OR56A3: variants seen among roughly 807,000 people sequenced by gnomAD.
The protein encoded by OR56A3 is olfactory receptor 56A3.
OR56A3 carries 23 observed loss-of-function variants against 17.5 expected under a neutral mutation model. The observed-to-expected ratio is 1.32, with a 90% CI of 0.95 to 1.87. OR56A3 has a LOEUF of 1.87. Ranked by LOEUF, OR56A3 falls within the 40% of genes most tolerant of loss-of-function variation. The pLI is 0.00. For missense variants in OR56A3, 366 were observed against 380.1 expected, an observed-to-expected ratio of 0.96 and a Z score of 0.31; for synonymous variants, 175 against 150.6, an observed-to-expected ratio of 1.16 and a Z score of -1.19.
chr11:5,999,102 A>T, the OR56A3 span, among the ~76,000 whole-genome samples: 1 of 152,184 alleles, frequency 6.6e-6, no homozygotes, highest in African/African-American at 2.4e-5. Flanking sequence ...ATGTTCAACT[A>T]AAGGTCTTAT....
At chr11:5,961,752 TAA>T in the OR56A3 span, among the ~76,000 whole-genome samples, 34,340 of 134,280 alleles carry the variant, frequency 0.26, 4,075 homozygotes, top group Admixed American at 0.27. Context: ...AATAAATACT[TAA>T]AAAAAAAAAA....
the OR56A3 span, among the ~76,000 whole-genome samples, chr11:5,995,798 C>T: frequency 6.6e-6 from 1 of 152,168 alleles, no homozygotes. Flanking sequence ...TCATCATTAA[C>T]TATAGTCACC....
the OR56A3 span, among the ~76,000 whole-genome samples, chr11:5,972,729 A>G: frequency 6.6e-6 from 1 of 152,178 alleles, no homozygotes; most frequent in East Asian, 1.9e-4. Flanking sequence ...CCCAGGTTCA[A>G]GCAATTCTTC....
chr11:5,997,717 G>C, the OR56A3 span, among the ~76,000 whole-genome samples: 22 of 152,206 alleles, frequency 1.4e-4, no homozygotes, highest in African/African-American at 5.3e-4. Flanking sequence ...GAGAGAGAGA[G>C]CTTCATTTCA....
In OR56A3 at chr11:5,944,636, G is replaced by T. The variant is rs528830752; in HGVS notation, c.-313-170G>T. On this transcript the variant is annotated intron_variant, in intron 1 of 2. Coordinates refer to ENST00000641160, the MANE Select transcript of OR56A3 (RefSeq NM_001003443.3). Reference sequence around the variant, plus strand: ...CACAGCTGAACCCTGAGAAACTGTAGGAAGACATGTAAAACCACTAAAATA... The same window carrying T: ...CACAGCTGAACCCTGAGAAACTGTATGAAGACATGTAAAACCACTAAAATA... 6.6e-5 allele frequency among the ~76,000 whole-genome samples: 10 copies of T among 152,266 alleles called. 1 individual carries two copies. The East Asian group carries it at 1.4e-3, about 21-fold the overall frequency.
the OR56A3 span, chr11:5,987,087 TC>T: frequency 1.5e-6 from 1 of 663,610 alleles, no homozygotes; most frequent in Non-Finnish European, 2.5e-6. Flanking sequence ...AAGTGAGACA[TC>T]CACATGTCTG....
the OR56A3 span, among the ~76,000 whole-genome samples, chr11:5,969,676 T>A: frequency 6.6e-6 from 1 of 152,228 alleles, no homozygotes; most frequent in Admixed American, 6.5e-5. Context: ...ATTTTCTTCA[T>A]CTATCCCACA....
chr11:5,994,772 T>G, the OR56A3 span: 1 of 760,824 alleles, frequency 1.3e-6, no homozygotes, highest in Non-Finnish European at 2.4e-6. Context: ...CTCAAAGGTC[T>G]TGAAGTAATG....
the OR56A3 span, among the ~76,000 whole-genome samples, chr11:5,956,942 G>C: frequency 1.3e-5 from 2 of 152,132 alleles, no homozygotes; most frequent in African/African-American, 4.8e-5. Flanking sequence ...AATTCCCTGA[G>C]GTCAGGAGTT....
chr11:5,971,035 T>C, the OR56A3 span, among the ~76,000 whole-genome samples: 3 of 152,192 alleles, frequency 2.0e-5, no homozygotes, highest in African/African-American at 7.2e-5. Flanking sequence ...AAGCTCAAGA[T>C]AATAGCTGAA....
At chr11:5,955,182 A>G (rs1300075551), downstream of OR56A3, among the ~76,000 whole-genome samples, 1 of 152,222 alleles carries the variant, frequency 6.6e-6, no homozygotes, top group Non-Finnish European at 1.5e-5. Flanking sequence ...TGAAGTGGCC[A>G]TTAATCTGTA....
At chr11:5,969,027 A>C in the OR56A3 span, among the ~76,000 whole-genome samples, 1 of 152,208 alleles carries the variant, frequency 6.6e-6, no homozygotes, top group Non-Finnish European at 1.5e-5. Flanking sequence ...ATATACTCCC[A>C]ACCCTATTAC....
At chr11:5,967,960 TC>T in the OR56A3 span, 1 of 1,594,182 alleles carries the variant, frequency 6.3e-7, no homozygotes, top group Non-Finnish European at 8.6e-7. Context: ...CAGATGCAGT[TC>T]TTGATGATGT....
Position 5,947,838 on chromosome 11 carries a change from C to T in OR56A3, c.492C>T (p.Pro164=). The change falls in exon 3 of 3, where the codon CCC becomes CCT. Residue 164 remains proline (P), a synonymous_variant. Transcript: ENST00000641160. The part of the protein sequence containing the change: ...TRNVLMTLPI[P]ILSAQLRYCG... Reference sequence around the variant, plus strand: ...ATGTGCTTATGACTCTGCCCATCCCCATCCTTTCAGCACAACTCCGTTATT... The same window carrying T: ...ATGTGCTTATGACTCTGCCCATCCCTATCCTTTCAGCACAACTCCGTTATT... 2 of 1,614,214 alleles carry T rather than the reference C, an allele frequency of 1.2e-6. No individual in the cohort carries two copies. Among genetic ancestry groups the T allele is most frequent in the Non-Finnish European group, 1.7e-6 (2 of 1,180,036 alleles).
the OR56A3 span, among the ~76,000 whole-genome samples, chr11:6,012,642 G>A: frequency 6.6e-6 from 1 of 152,188 alleles, no homozygotes; most frequent in Non-Finnish European, 1.5e-5. Context: ...CCTTATAGGA[G>A]AGGAAGTGTG....
chr11:6,015,640 GT>G, the OR56A3 span, among the ~76,000 whole-genome samples: 1 of 152,248 alleles, frequency 6.6e-6, no homozygotes, highest in African/African-American at 2.4e-5. Context: ...TCTTGCATCA[GT>G]GTGCCCTGGA....
chr11:5,987,004 T>C, the OR56A3 span: 1 of 1,404,660 alleles, frequency 7.1e-7, no homozygotes, highest in Non-Finnish European at 9.7e-7. Flanking sequence ...ATAAAGTGAC[T>C]TCAACTGCAA....
chr11:5,960,594 G>T, the OR56A3 span, among the ~76,000 whole-genome samples: 1 of 152,194 alleles, frequency 6.6e-6, no homozygotes, highest in Non-Finnish European at 1.5e-5. Flanking sequence ...GCAGTGGCGT[G>T]ATCTCGGCTC....
chr11:5,986,615 G>C, the OR56A3 span: 4 of 1,613,922 alleles, frequency 2.5e-6, no homozygotes, highest in African/African-American at 2.7e-5. Flanking sequence ...TCGTGGGCAT[G>C]AACCAGGAGC....
Sources: allele counts gnomAD v4.1 joint callset (sites outside exome capture counted in the v4.1 genomes callset), GRCh38; gene constraint gnomAD v4.1.1; transcripts MANE v1.5; gene names NCBI Gene and HGNC (gene_info 2026-07-23, HGNC 2026-07-21).